Variants in CAST observed in about 807,000 individuals in gnomAD.
The protein encoded by CAST is MIR583 host.
CAST carries 76 observed loss-of-function variants against 119.6 expected under a neutral mutation model. That is an observed-to-expected ratio of 0.64 (90% CI 0.53 to 0.77). The LOEUF is 0.77. CAST is among the 30% of genes least tolerant of loss of function. The pLI, the probability that CAST is intolerant of heterozygous loss-of-function variation, is 0.00. For missense variants in CAST, 953 were observed against 946.5 expected (o/e 1.01, Z -0.09); for synonymous variants, 319 against 331.6 (o/e 0.96, Z 0.41).
the CAST span, among the ~76,000 whole-genome samples, chr5:96,039,034 T>C: frequency 0.03 from 4,537 of 152,234 alleles, 233 homozygotes; most frequent in African/African-American, 0.1. Context: ...CCAGCATCTG[T>C]TGTTTCCTGA....
the CAST span, among the ~76,000 whole-genome samples, chr5:96,394,007 G>A: frequency 6.6e-6 from 1 of 152,204 alleles, no homozygotes; most frequent in Non-Finnish European, 1.5e-5. Context: ...AAGTACTCAG[G>A]ACTCAGGTCC....
the CAST span, among the ~76,000 whole-genome samples, chr5:96,307,312 T>C: frequency 6.6e-6 from 1 of 152,322 alleles, no homozygotes; most frequent in South Asian, 2.1e-4. Context: ...CAGTCAATAT[T>C]CAGCCCTCCC....
chr5:96,609,728 A>G (rs972644634), intron 1 of CAST, among the ~76,000 whole-genome samples: 1 of 152,226 alleles, frequency 6.6e-6, no homozygotes, highest in Admixed American at 6.5e-5. Context: ...ATAAGATGTA[A>G]CTATTCTTAA....
At chr5:96,616,987 C>T (rs562549454) in intron 1 of CAST, among the ~76,000 whole-genome samples, 1 of 152,224 alleles carries the variant, frequency 6.6e-6, no homozygotes, top group South Asian at 2.1e-4. Flanking sequence ...CTGTTGCTGC[C>T]TTGACCACAC....
At chr5:96,702,093 A>T (rs1753975512) in intron 3 of CAST, among the ~76,000 whole-genome samples, 1 of 152,156 alleles carries the variant, frequency 6.6e-6, no homozygotes, top group African/African-American at 2.4e-5. Context: ...TGTGTTCCTC[A>T]AACAGTGACC....
At chr5:96,723,713 G>T (rs1376055357) in intron 4 of CAST, among the ~76,000 whole-genome samples, 1 of 152,150 alleles carries the variant, frequency 6.6e-6, no homozygotes, top group Non-Finnish European at 1.5e-5. Context: ...AATATTTCAG[G>T]GGAGGGAATT....
chr5:96,527,216 A>G (rs1280300421), upstream of CAST, among the ~76,000 whole-genome samples: 4 of 152,170 alleles, frequency 2.6e-5, no homozygotes, highest in East Asian at 7.7e-4. Context: ...TTACATTATC[A>G]AGGTGAGATT....
chr5:96,149,904 TATTTC>T, the CAST span, among the ~76,000 whole-genome samples: 1 of 152,242 alleles, frequency 6.6e-6, no homozygotes, highest in Non-Finnish European at 1.5e-5. Context: ...CAAGGTAACT[TATTTC>T]AAGATCAGAT....
At chr5:96,683,875 T>G (rs1435849040) in intron 2 of CAST, among the ~76,000 whole-genome samples, 1 of 152,238 alleles carries the variant, frequency 6.6e-6, no homozygotes, top group African/African-American at 2.4e-5. Flanking sequence ...CAGTTTGAAT[T>G]CTGAGAGAAA....
In CAST at chr5:96,596,327, G is replaced by A. The variant is rs936141095; in HGVS notation, c.60+66447G>A. 7.9e-5 allele frequency among the ~76,000 whole-genome samples: 12 copies of A among 152,224 alleles called. 1 individual carries two copies. The highest frequency in any genetic ancestry group is 2.9e-4 in the African/African-American group (12 of 41,514). On this transcript the variant is annotated intron_variant, in intron 1 of 11. Transcript: ENST00000505143. ...GCAATGTGTTTTGGAGAAGGAGGAA[G>A]TAACTACAAGCCAAGGAATACAGTC...
At chr5:96,292,969 A>G in the CAST span, among the ~76,000 whole-genome samples, 1 of 152,258 alleles carries the variant, frequency 6.6e-6, no homozygotes, top group Non-Finnish European at 1.5e-5. Flanking sequence ...TTCTCCACAA[A>G]TAGTTGTTGA....
the CAST span, among the ~76,000 whole-genome samples, chr5:96,167,048 T>TGGTGATGGCCTGGATTAC: frequency 6.6e-6 from 1 of 152,106 alleles, no homozygotes; most frequent in Non-Finnish European, 1.5e-5. Flanking sequence ...CATACAGAAT[T>TGGTGATGGCCTGGATTAC]ATTGGTGATG....
At chr5:96,133,403 G>C in the CAST span, among the ~76,000 whole-genome samples, 1 of 152,116 alleles carries the variant, frequency 6.6e-6, no homozygotes, top group Non-Finnish European at 1.5e-5. Flanking sequence ...ATAATGGAAG[G>C]AGTGCTGGAA....
At chr5:96,162,399 CG>C in the CAST span, among the ~76,000 whole-genome samples, 1 of 151,954 alleles carries the variant, frequency 6.6e-6, no homozygotes, top group East Asian at 1.9e-4. Context: ...TCTACTAGCA[CG>C]GGATGGTATA....
At chr5:96,036,061 C>A in the CAST span, among the ~76,000 whole-genome samples, 1 of 150,456 alleles carries the variant, frequency 6.6e-6, no homozygotes, top group Non-Finnish European at 1.5e-5. Context: ...GGAAGATCTC[C>A]AAGTTTATTT....
chr5:96,655,295 A>C (rs1748144165), intron 1 of CAST, among the ~76,000 whole-genome samples: 1 of 152,182 alleles, frequency 6.6e-6, no homozygotes, highest in Non-Finnish European at 1.5e-5. Context: ...AGGAAAGGGA[A>C]AGTGCATGCA....
At chr5:96,358,374 T>C in the CAST span, among the ~76,000 whole-genome samples, 1 of 152,226 alleles carries the variant, frequency 6.6e-6, no homozygotes, top group Non-Finnish European at 1.5e-5. Context: ...TTCTGCTAGC[T>C]TTTGAATTTG....
At chr5:96,473,190 GT>G in the CAST span, among the ~76,000 whole-genome samples, 1 of 152,228 alleles carries the variant, frequency 6.6e-6, no homozygotes, top group Non-Finnish European at 1.5e-5. Context: ...ATGGGAACAT[GT>G]CTTTTTGGAG....
At chr5:96,729,049 GA>G in intron 6 of CAST, 103 bp from the exon 7 acceptor site, 1 of 746,060 alleles carries the variant, frequency 1.3e-6, no homozygotes, top group Non-Finnish European at 2.3e-6. Flanking sequence ...GGCTTTTCCT[GA>G]AAAAGGCAGA....
Sources: allele counts gnomAD v4.1 joint callset (sites outside exome capture counted in the v4.1 genomes callset), GRCh38; gene constraint gnomAD v4.1.1; transcripts MANE v1.5; gene names NCBI Gene and HGNC (gene_info 2026-07-23, HGNC 2026-07-21).